The following RP1L1 variants were observed in gnomAD, a reference collection of about 807,000 sequenced individuals.
RP1L1 encodes retinitis pigmentosa 1-like 1 protein.
RP1L1 carries 27 observed loss-of-function variants against 15.7 expected under a neutral mutation model. The ratio of observed to expected loss-of-function variants is 1.72; its 90% CI spans 1.27 to 2.38. RP1L1 has a LOEUF of 2.38. Among genes scored for constraint, RP1L1 ranks in the 30% most tolerant of loss-of-function variants. The pLI, the probability that RP1L1 is intolerant of heterozygous loss-of-function variation, is 0.00. For synonymous variants in RP1L1, 1,813 were observed against 1,276.7 expected (o/e 1.42, Z -8.96); for missense variants, 4,798 against 3,075.9 (o/e 1.56, Z -13.24).
intron 3 of RP1L1, among the ~76,000 whole-genome samples, chr8:10,615,198 G>A (rs114000876): frequency 0.01 from 1,554 of 152,276 alleles, 27 homozygotes; most frequent in African/African-American, 0.032. Flanking sequence ...CTGACCTACA[G>A]TGATCACTGA....
rs1388939122 is a variant in RP1L1 at position 10,607,719 on chromosome 8, G to C, written c.6379C>G (p.Pro2127Ala). 1 of 1,609,076 alleles carries C rather than the reference G, an allele frequency of 6.2e-7. No individual in the cohort carries two copies. Among genetic ancestry groups the C allele is most frequent in the Non-Finnish European group, 8.5e-7 (1 of 1,178,406 alleles). The change falls in exon 4 of 4, where the codon CCA becomes GCA. Residue 2127 changes from proline to alanine, a missense_variant. Coordinates refer to ENST00000382483, the MANE Select transcript of RP1L1 (RefSeq NM_178857.6). ...EAPETEGEAQ[P>A]ESEGIEAPEA... The stretch of plus-strand genomic sequence containing the variant: ...GGGGCCTCTATACCTTCTGACTCTG[G>C]CTGGGCCTCCCCTTCAGTCTCTGGG...
At chr8:10,634,316 G>C (rs1270141415) in intron 1 of RP1L1, among the ~76,000 whole-genome samples, 1 of 152,124 alleles carries the variant, frequency 6.6e-6, no homozygotes, top group Non-Finnish European at 1.5e-5. Context: ...GAGCAGCACC[G>C]ATGCTTGTGG....
Position 10,611,127 on chromosome 8 carries a change from C to G in RP1L1, c.2971G>C (p.Glu991Gln). 2 of 1,612,916 alleles carry G rather than the reference C, an allele frequency of 1.2e-6. No homozygotes were observed. Among genetic ancestry groups the G allele is most frequent in the Non-Finnish European group, 1.7e-6 (2 of 1,180,006 alleles). Residue 991 changes from glutamate (E) to glutamine (Q), a missense_variant, in exon 4 of 4, where the codon GAG (glutamate) becomes CAG (glutamine). Glu to Gln is a conservative substitution (Grantham distance 29). Transcript: ENST00000382483. ...GAATGGTCATCCCCAGGGTCCACCT[C>G]GGGGCCTCTCAGGCCACCCCCAGCT... ...GAAGGGLRGPEVDPGDDHSLE... is the reference protein window; with the variant it reads ...GAAGGGLRGPQVDPGDDHSLE...
At position 10,611,564 on chromosome 8, in the gene RP1L1, G is replaced by A; in HGVS notation, c.2534C>T (p.Ala845Val). Residue 845 changes from alanine (A) to valine (V), a missense_variant, in exon 4 of 4, where the codon GCT becomes GTT. Transcript: ENST00000382483. ...QEAQRGPSPE[A>V]SWLCGRYCPT... Reference sequence around the variant, plus strand: ...ACAGTACCTGCCACACAGCCAGCTAGCCTCAGGGGAGGGTCCCCGCTGGGC... The same window carrying A: ...ACAGTACCTGCCACACAGCCAGCTAACCTCAGGGGAGGGTCCCCGCTGGGC... The A allele has an allele frequency of 5.0e-6, 8 of 1,604,234 alleles. No individual in the cohort carries two copies. Among genetic ancestry groups the A allele is most frequent in the Non-Finnish European group, 6.8e-6 (8 of 1,175,620 alleles).
chr8:10,654,279 G>A (rs553395004), intron 1 of RP1L1, among the ~76,000 whole-genome samples: 8 of 152,220 alleles, frequency 5.3e-5, no homozygotes, highest in African/African-American at 1.7e-4. Context: ...TCATCTGTCC[G>A]GGCCTCAGTC....
intron 2 of RP1L1, among the ~76,000 whole-genome samples, chr8:10,617,002 T>A (rs1308892753): frequency 6.6e-6 from 1 of 152,156 alleles, no homozygotes; most frequent in Non-Finnish European, 1.5e-5. Flanking sequence ...TTTTCCCAAA[T>A]GAAGGAGACT....
chr8:10,645,260 G>A (rs1267008428), intron 1 of RP1L1, among the ~76,000 whole-genome samples: 1 of 152,196 alleles, frequency 6.6e-6, no homozygotes, highest in Non-Finnish European at 1.5e-5. Context: ...CCAGAAGATT[G>A]AGGCTTCAGT....
intron 1 of RP1L1, among the ~76,000 whole-genome samples, chr8:10,637,140 G>A (rs988945007): frequency 3.3e-5 from 5 of 152,224 alleles, no homozygotes; most frequent in Non-Finnish European, 7.3e-5. Flanking sequence ...CAAGGAGACA[G>A]CTGAGCCTTC....
chr8:10,622,469 C>G, intron 2 of RP1L1, 124 bp downstream of exon 2: 2 of 1,263,338 alleles, frequency 1.6e-6, no homozygotes, highest in East Asian at 2.3e-5. Flanking sequence ...TGCTGTTCAC[C>G]TTTAATTAGC....
At position 10,612,224 on chromosome 8, in the gene RP1L1, G is replaced by T. The variant is rs985770019; in HGVS notation, c.1874C>A (p.Ser625Tyr). The change falls in exon 4 of 4, where the codon TCT becomes TAT. Residue 625 changes from serine to tyrosine, a missense_variant. By Grantham distance (144) the Ser-to-Tyr change is moderately radical. Coordinates refer to ENST00000382483, the MANE Select transcript of RP1L1 (RefSeq NM_178857.6). ...LSCSWDSEGA[S>Y]STPSTCTSSQ... Reference sequence around the variant, plus strand: ...TGAAGTGCAGGTGGAAGGGGTGGAAGAGGCTCCTTCCGAGTCCCAGGAGCA... The same window carrying T: ...TGAAGTGCAGGTGGAAGGGGTGGAATAGGCTCCTTCCGAGTCCCAGGAGCA... The T allele has an allele frequency of 1.2e-6, 2 of 1,613,266 alleles. No homozygotes were observed. The highest frequency in any genetic ancestry group is 1.7e-6 in the Non-Finnish European group (2 of 1,180,016).
intron 1 of RP1L1, among the ~76,000 whole-genome samples, chr8:10,627,607 G>A (rs374402439): frequency 8.7e-4 from 132 of 151,790 alleles, no homozygotes; most frequent in African/African-American, 2.5e-3. Context: ...AGTTTAGATG[G>A]CCAATTCTAT....
At chr8:10,636,015 A>G (rs1798324040) in intron 1 of RP1L1, among the ~76,000 whole-genome samples, 1 of 152,240 alleles carries the variant, frequency 6.6e-6, no homozygotes, top group South Asian at 2.1e-4. Flanking sequence ...TCTCTGCCAC[A>G]GATTCCATCA....
rs1798020575 is a variant in RP1L1, at chr8:10,619,256, T to C, written c.610-2669A>G. Among the ~76,000 whole-genome samples the C allele has an allele frequency of 2.0e-5, 3 of 152,218 alleles. No individual in the cohort carries two copies. The South Asian group carries it at 6.2e-4, about 31-fold the overall frequency. ...CTAAATGCGAAATAAGTCCCACTAA[T>C]AAGATGCACTTGAACAGGGCATGGA... On this transcript the variant is annotated intron_variant, in intron 2 of 3. Transcript: ENST00000382483.
In RP1L1 at chr8:10,623,119, G is replaced by A. The variant is rs745672527; in HGVS notation, c.83C>T (p.Thr28Ile). 1.9e-6 allele frequency: 3 copies of A among 1,612,400 alleles called. No individual in the cohort carries two copies. The Admixed American group carries it at 5.0e-5, about 27-fold the overall frequency. The change falls in exon 2 of 4, where the codon ACC becomes ATC. Residue 28 changes from threonine to isoleucine, a missense_variant. Transcript: ENST00000382483. ...GATCTTCTTGGCTGGCGTGACCTTG[G>A]TGACCGAGGGGGTGCGAGCCACAGA... ...LPSVARTPSVTKVTPAKKITF... is the reference protein window; with the variant it reads ...LPSVARTPSVIKVTPAKKITF...
intron 1 of RP1L1, among the ~76,000 whole-genome samples, chr8:10,635,642 T>C (rs1798317980): frequency 6.6e-6 from 1 of 152,176 alleles, no homozygotes; most frequent in Non-Finnish European, 1.5e-5. Flanking sequence ...AGAGCCTCCA[T>C]TTTCTCTGCT....
At chr8:10,650,986 A>G (rs911954582) in intron 1 of RP1L1, among the ~76,000 whole-genome samples, 4 of 152,256 alleles carry the variant, frequency 2.6e-5, no homozygotes, top group African/African-American at 9.6e-5. Context: ...CTAAAAGGGA[A>G]CACTAAGCTG....
chr8:10,617,399 CAAAAAAAAA>C (rs369885056), intron 2 of RP1L1, among the ~76,000 whole-genome samples: 7 of 83,006 alleles, frequency 8.4e-5, no homozygotes, highest in South Asian at 3.2e-4. Flanking sequence ...TGCTCATTAA[CAAAAAAAAA>C]AAAAAAAAAA....
intron 1 of RP1L1, among the ~76,000 whole-genome samples, chr8:10,651,178 C>A (rs1325119560): frequency 6.6e-6 from 1 of 152,236 alleles, no homozygotes; most frequent in Non-Finnish European, 1.5e-5. Flanking sequence ...GAGGTTCTCA[C>A]AGTGTAGGTC....
chr8:10,643,511 G>C (rs1012365593), intron 1 of RP1L1, among the ~76,000 whole-genome samples: 1 of 152,124 alleles, frequency 6.6e-6, no homozygotes, highest in Non-Finnish European at 1.5e-5. Flanking sequence ...TCAAGATTCA[G>C]GGATCAGAGA....
Sources: gnomAD v4.1 joint callset for allele counts (sites outside exome capture counted in the v4.1 genomes callset) on GRCh38, gnomAD v4.1.1 for gene constraint, MANE v1.5 for transcripts, NCBI Gene and HGNC (gene_info 2026-07-23, HGNC 2026-07-21) for gene names.